The following IQCJ variants were observed in gnomAD, a reference collection of about 807,000 sequenced individuals.
The protein encoded by IQCJ is IQ motif containing J.
In IQCJ, 9 loss-of-function variants were observed where a neutral mutation model predicts 11.0. The observed-to-expected ratio is 0.82, with a 90% CI of 0.49 to 1.43. The LOEUF is 1.43. Among genes scored for constraint, IQCJ ranks in the 40% most tolerant of loss-of-function variants. The pLI is 0.00. For synonymous variants in IQCJ, 55 were observed against 51.3 expected (o/e 1.07, Z -0.31); for missense variants, 146 against 133.2 (o/e 1.10, Z -0.47).
At chr3:159,150,311 G>A (rs938422007) in intron 1 of IQCJ, among the ~76,000 whole-genome samples, 1 of 152,100 alleles carries the variant, frequency 6.6e-6, no homozygotes, top group African/African-American at 2.4e-5. Context: ...CACCCTGCAG[G>A]GGAGCTCTGG....
intron 1 of IQCJ, among the ~76,000 whole-genome samples, chr3:159,111,089 T>G (rs1718594565): frequency 6.6e-6 from 1 of 152,244 alleles, no homozygotes; most frequent in Non-Finnish European, 1.5e-5. Context: ...CTCCTGCTGC[T>G]GATGCTCCCA....
At chr3:159,261,259 A>C (rs1414925176) in intron 3 of IQCJ, among the ~76,000 whole-genome samples, 1 of 152,196 alleles carries the variant, frequency 6.6e-6, no homozygotes, top group Non-Finnish European at 1.5e-5. Flanking sequence ...AGCTATCTTA[A>C]ACTATTTTAA....
chr3:159,188,975 A>C lies in IQCJ; in HGVS notation c.10-56868A>C, dbSNP rs1050845811. Reference sequence around the variant, plus strand: ...GCTCTGAGCATGAAATTACAGGTTCAGTTGTGGGGGAGGACGTAGTGATGG... The same window carrying C: ...GCTCTGAGCATGAAATTACAGGTTCCGTTGTGGGGGAGGACGTAGTGATGG... On this transcript the variant is annotated intron_variant, in intron 1 of 3. Transcript: ENST00000397832. Among the ~76,000 whole-genome samples the C allele has an allele frequency of 2.0e-5, 3 of 152,274 alleles. No individual in the cohort carries two copies. In the South Asian group the frequency reaches 6.2e-4, roughly 32 times the overall value.
Position 159,225,933 on chromosome 3 carries a change from G to A in IQCJ, c.10-19910G>A, listed in dbSNP as rs949472905. Among the ~76,000 whole-genome samples the A allele has an allele frequency of 5.3e-5, 8 of 152,078 alleles. No homozygotes were observed. In the East Asian group the frequency reaches 5.8e-4, roughly 11 times the overall value. ...TGTTTGATATTTGCTGTTACAGCTC[G>A]CAGAATTCAGGGAAACACTTTACTT... is the stretch of plus-strand genomic sequence containing the variant. On this transcript the variant is annotated intron_variant, in intron 1 of 3. Transcript: ENST00000397832.
At chr3:159,264,234 G>T (rs973177104), downstream of IQCJ, among the ~76,000 whole-genome samples, 2 of 152,166 alleles carry the variant, frequency 1.3e-5, no homozygotes, top group Non-Finnish European at 2.9e-5. Flanking sequence ...TTGCTTTAGG[G>T]TGCTTAACCT....
intron 1 of IQCJ, among the ~76,000 whole-genome samples, chr3:159,154,496 T>C (rs1721404280): frequency 6.6e-6 from 1 of 152,216 alleles, no homozygotes; most frequent in Non-Finnish European, 1.5e-5. Context: ...TCTGCCTTTT[T>C]TTTGGATGAA....
At chr3:159,255,675 C>T (rs1376552994) in intron 3 of IQCJ, among the ~76,000 whole-genome samples, 1 of 152,046 alleles carries the variant, frequency 6.6e-6, no homozygotes, top group Admixed American at 6.6e-5. Flanking sequence ...GGGTCCATTA[C>T]CTGGTTCATG....
chr3:159,175,229 C>T lies in IQCJ; in HGVS notation c.10-70614C>T, dbSNP rs1722729187. On this transcript the variant is annotated intron_variant, in intron 1 of 3. Coordinates refer to ENST00000397832, the MANE Select transcript of IQCJ (RefSeq NM_001042706.3). ...ACTCATGCCCATAATCCCAGCACTTCAGGAGGCTGAAGCAGGTGGATCACT... is the reference window on the plus strand; with the variant it reads ...ACTCATGCCCATAATCCCAGCACTTTAGGAGGCTGAAGCAGGTGGATCACT... 2.0e-5 allele frequency among the ~76,000 whole-genome samples: 3 copies of T among 152,294 alleles called. No individual in the cohort carries two copies. The South Asian group carries it at 6.2e-4, about 32-fold the overall frequency.
chr3:159,196,782 T>C (rs1334445206), intron 1 of IQCJ, among the ~76,000 whole-genome samples: 1 of 152,184 alleles, frequency 6.6e-6, no homozygotes, highest in East Asian at 1.9e-4. Flanking sequence ...GTTATGTAAC[T>C]TACCCAATGT....
At chr3:159,101,900 T>A (rs888047665) in intron 1 of IQCJ, among the ~76,000 whole-genome samples, 3 of 152,260 alleles carry the variant, frequency 2.0e-5, no homozygotes, top group Admixed American at 2.0e-4. Context: ...CATGAGCATA[T>A]ACTTCAGTAT....
chr3:159,105,766 G>C (rs1718216849), intron 1 of IQCJ, among the ~76,000 whole-genome samples: 1 of 152,132 alleles, frequency 6.6e-6, no homozygotes, highest in African/African-American at 2.4e-5. Context: ...TTGCAGCTTG[G>C]TGAACACATG....
intron 1 of IQCJ, among the ~76,000 whole-genome samples, chr3:159,186,205 C>T (rs900857358): frequency 6.6e-6 from 1 of 152,138 alleles, no homozygotes; most frequent in African/African-American, 2.4e-5. Context: ...TGGTCTATGT[C>T]AGCCAGAGTA....
At chr3:159,116,991 G>T (rs1719064088) in intron 1 of IQCJ, among the ~76,000 whole-genome samples, 1 of 152,004 alleles carries the variant, frequency 6.6e-6, no homozygotes, top group Non-Finnish European at 1.5e-5. Context: ...AGTTTCAGCA[G>T]CCTGAAAATA....
intron 1 of IQCJ, among the ~76,000 whole-genome samples, chr3:159,126,769 CT>C (rs1223069511): frequency 2.6e-5 from 4 of 151,580 alleles, no homozygotes; most frequent in South Asian, 2.1e-4. Context: ...CATTGACCTT[CT>C]TTTTTTTTCA....
At chr3:159,109,621 G>T (rs1718498428) in intron 1 of IQCJ, among the ~76,000 whole-genome samples, 1 of 151,336 alleles carries the variant, frequency 6.6e-6, no homozygotes, top group South Asian at 2.1e-4. Context: ...CATCTTTACT[G>T]GTTTCTAGAG....
At chr3:159,071,793 G>C (rs901798325) in intron 1 of IQCJ, among the ~76,000 whole-genome samples, 1 of 152,136 alleles carries the variant, frequency 6.6e-6, no homozygotes, top group East Asian at 1.9e-4. Context: ...ACATATTGTA[G>C]ACCAGGCCTT....
intron 1 of IQCJ, among the ~76,000 whole-genome samples, chr3:159,139,119 TGAGA>T (rs780564556): frequency 6.6e-6 from 1 of 152,072 alleles, no homozygotes; most frequent in African/African-American, 2.4e-5. Context: ...TTTACCTGAG[TGAGA>T]GAAAGATGAA....
chr3:159,096,216 G>A (rs1168506496), intron 1 of IQCJ, among the ~76,000 whole-genome samples: 2 of 135,630 alleles, frequency 1.5e-5, no homozygotes, highest in South Asian at 2.5e-4. Flanking sequence ...GGGGTTGTTT[G>A]TTTTTTTCTT....
At chr3:159,177,388 T>G (rs928511310) in intron 1 of IQCJ, among the ~76,000 whole-genome samples, 4 of 152,180 alleles carry the variant, frequency 2.6e-5, no homozygotes, top group African/African-American at 9.7e-5. Flanking sequence ...GACAAGGACT[T>G]GAAGCAACTG....
Sources: allele counts gnomAD v4.1 joint callset (sites outside exome capture counted in the v4.1 genomes callset), GRCh38; gene constraint gnomAD v4.1.1; transcripts MANE v1.5; gene names NCBI Gene and HGNC (gene_info 2026-07-23, HGNC 2026-07-21).